GRAMD2B: variants seen among roughly 807,000 people sequenced by gnomAD.
The protein encoded by GRAMD2B is GRAM domain-containing protein 2B.
GRAMD2B carries 41 observed loss-of-function variants against 59.2 expected under a neutral mutation model. The ratio of observed to expected loss-of-function variants is 0.69; its 90% CI spans 0.54 to 0.90. The LOEUF is 0.90. GRAMD2B is among the 40% of genes least tolerant of loss of function. The probability of loss-of-function intolerance (pLI) is 0.00; values close to 1 mark genes in which losing one functional copy is unlikely to be tolerated. For missense variants in GRAMD2B, 424 were observed against 500.5 expected (o/e 0.85, Z 1.46); for synonymous variants, 161 against 182.7 (o/e 0.88, Z 0.96).
intron 1 of GRAMD2B, among the ~76,000 whole-genome samples, chr5:126,378,239 C>A (rs1398404225): frequency 6.6e-6 from 1 of 152,012 alleles, no homozygotes; most frequent in Non-Finnish European, 1.5e-5. Flanking sequence ...AGAAAAAAAA[C>A]TAAACCACCT....
chr5:126,448,034 AT>A (rs56755594), intron 1 of GRAMD2B, among the ~76,000 whole-genome samples: 41,165 of 150,890 alleles, frequency 0.27, 5,961 homozygotes, highest in African/African-American at 0.37. Context: ...TAATTTTTGT[AT>A]TTTTTAGTAG....
At position 126,480,626 on chromosome 5, in the gene GRAMD2B, G is replaced by C. The variant is rs1771534103; in HGVS notation, c.655-1G>C. ...TTTTCGTTTTGTTCCAATAATTTCA[G>C]AATACAAGTGTTGGTAACAGTCCCA... On this transcript the variant is annotated splice_acceptor_variant, in intron 7 of 13. Transcript: ENST00000285689. LOFTEE classifies it high-confidence loss of function. 1.2e-6 allele frequency: 2 copies of C among 1,613,766 alleles called. No individual in the cohort carries two copies. Among genetic ancestry groups the C allele is most frequent in the Non-Finnish European group, 1.7e-6 (2 of 1,179,804 alleles).
chr5:126,430,631 C>T (rs1029227998), intron 1 of GRAMD2B, among the ~76,000 whole-genome samples: 4 of 152,020 alleles, frequency 2.6e-5, no homozygotes, highest in Non-Finnish European at 4.4e-5. Flanking sequence ...GATTTAAAGA[C>T]AATTAGATTA....
intron 13 of GRAMD2B, 86 bp downstream of exon 13, chr5:126,488,978 A>G: frequency 1.2e-6 from 1 of 838,416 alleles, no homozygotes; most frequent in Non-Finnish European, 2.0e-6. Flanking sequence ...ACACACTCAG[A>G]CGCCGTTAGT....
rs141184388 is a variant in GRAMD2B, at chr5:126,490,260, T to C, written c.1257+1368T>C. 2.0e-4 allele frequency: 30 copies of C among 152,292 alleles called. No individual in the cohort carries two copies. In the East Asian group the frequency reaches 5.8e-3, roughly 29 times the overall value. 9.4% of individuals were successfully genotyped at this position (152,292 alleles called of 1,614,324 possible). A position where few individuals can be genotyped will look rare whatever the true frequency, so the allele number is the denominator to read the frequency against. ...GAATGAAGTGGTATTAATTTTCAAT[T>C]TTGTTCACTCTTACATACCAGTGAT... On this transcript the variant is annotated intron_variant, in intron 13 of 13. Transcript: ENST00000285689.
intron 1 of GRAMD2B, among the ~76,000 whole-genome samples, chr5:126,377,781 T>A (rs1260494308): frequency 6.6e-6 from 1 of 152,186 alleles, no homozygotes; most frequent in Non-Finnish European, 1.5e-5. Flanking sequence ...GGGATCATGA[T>A]ATGAACATGG....
chr5:126,474,420 T>G (rs1401965445), intron 5 of GRAMD2B, among the ~76,000 whole-genome samples: 1 of 152,242 alleles, frequency 6.6e-6, no homozygotes, highest in East Asian at 1.9e-4. Flanking sequence ...TATTCTTTTT[T>G]ATTGATTTTT....
chr5:126,475,490 T>C (rs962981809), intron 5 of GRAMD2B, among the ~76,000 whole-genome samples: 1 of 152,246 alleles, frequency 6.6e-6, no homozygotes, highest in Non-Finnish European at 1.5e-5. Flanking sequence ...ACTTGTAAGT[T>C]CTGAATTGCC....
At chr5:126,431,989 G>A (rs1342754374) in intron 1 of GRAMD2B, among the ~76,000 whole-genome samples, 1 of 152,078 alleles carries the variant, frequency 6.6e-6, no homozygotes, top group Non-Finnish European at 1.5e-5. Context: ...GTGCAGTGGC[G>A]TGATCACAGC....
intron 1 of GRAMD2B, among the ~76,000 whole-genome samples, chr5:126,402,803 A>T (rs1461045325): frequency 6.6e-6 from 1 of 152,042 alleles, no homozygotes; most frequent in Admixed American, 6.6e-5. Flanking sequence ...GTGTCATATT[A>T]CCTTTCTAAG....
chr5:126,394,766 A>G (rs958595280), intron 1 of GRAMD2B, among the ~76,000 whole-genome samples: 1 of 152,250 alleles, frequency 6.6e-6, no homozygotes, highest in African/African-American at 2.4e-5. Context: ...ACATACAGAT[A>G]GAAACTGTGA....
chr5:126,410,441 C>T (rs948122334), intron 1 of GRAMD2B, among the ~76,000 whole-genome samples: 35 of 151,744 alleles, frequency 2.3e-4, no homozygotes, highest in African/African-American at 8.2e-4. Context: ...ATTTTATTCT[C>T]TTTGAAGCAA....
chr5:126,479,385 A>G (rs1771279184), intron 6 of GRAMD2B, among the ~76,000 whole-genome samples: 3 of 152,176 alleles, frequency 2.0e-5, no homozygotes, highest in South Asian at 4.1e-4. Flanking sequence ...AGAGAGGAGA[A>G]GAAAGAAGGA....
intron 5 of GRAMD2B, among the ~76,000 whole-genome samples, chr5:126,476,048 C>T (rs760171908): frequency 1.6e-4 from 25 of 152,092 alleles, no homozygotes; most frequent in Admixed American, 3.3e-4. Context: ...GTGGAGGTTG[C>T]GGTGAGCCGA....
intron 1 of GRAMD2B, among the ~76,000 whole-genome samples, chr5:126,414,096 C>T (rs1007246568): frequency 4.6e-5 from 7 of 152,132 alleles, no homozygotes; most frequent in African/African-American, 1.7e-4. Flanking sequence ...ATCCCTTAGA[C>T]ATCCAGTGCA....
chr5:126,425,392 A>T (rs540225812), intron 1 of GRAMD2B, among the ~76,000 whole-genome samples: 1 of 152,368 alleles, frequency 6.6e-6, no homozygotes, highest in African/African-American at 2.4e-5. Flanking sequence ...ATGAACCTAG[A>T]GGACGTATGT....
upstream of GRAMD2B, among the ~76,000 whole-genome samples, chr5:126,370,590 T>C (rs1475043126): frequency 1.3e-5 from 2 of 152,212 alleles, no homozygotes; most frequent in Admixed American, 6.5e-5. Context: ...AAAATGCATA[T>C]CTAGGTAACA....
intron 1 of GRAMD2B, among the ~76,000 whole-genome samples, chr5:126,392,608 G>T (rs552528544): frequency 6.6e-6 from 1 of 152,106 alleles, no homozygotes; most frequent in African/African-American, 2.4e-5. Context: ...CAAGTGGTCC[G>T]CAACCTTTTT....
chr5:126,440,529 G>C (rs1763118230), intron 1 of GRAMD2B, among the ~76,000 whole-genome samples: 2 of 152,122 alleles, frequency 1.3e-5, no homozygotes, highest in Non-Finnish European at 2.9e-5. Flanking sequence ...GGAACAACTG[G>C]TTAGCCATTT....
Sources: gnomAD v4.1 joint callset for allele counts (sites outside exome capture counted in the v4.1 genomes callset) on GRCh38, gnomAD v4.1.1 for gene constraint, MANE v1.5 for transcripts, NCBI Gene and HGNC (gene_info 2026-07-23, HGNC 2026-07-21) for gene names.